The following PLXNC1 variants were observed in gnomAD, a reference collection of about 807,000 sequenced individuals.
PLXNC1 encodes the protein plexin C1.
In PLXNC1, 75 loss-of-function variants were observed where a neutral mutation model predicts 178.2. The observed-to-expected ratio is 0.42, with a 90% CI of 0.35 to 0.51. PLXNC1 has a LOEUF of 0.51. PLXNC1 is among the 20% of genes least tolerant of loss of function. The pLI, the probability that PLXNC1 is intolerant of heterozygous loss-of-function variation, is 0.02. For synonymous variants in PLXNC1, 790 were observed against 779.9 expected (o/e 1.01, Z -0.22); for missense variants, 1,503 against 1,984.4 (o/e 0.76, Z 4.61).
intron 21 of PLXNC1, among the ~76,000 whole-genome samples, chr12:94,278,416 T>G (rs906903658): frequency 1.3e-5 from 2 of 152,278 alleles, no homozygotes; most frequent in Non-Finnish European, 2.9e-5. Context: ...AAACTTGGAA[T>G]TGCTTTTCAG....
intron 26 of PLXNC1, 147 bp from the exon 27 acceptor site, chr12:94,298,485 T>G: frequency 1.5e-6 from 1 of 685,282 alleles, no homozygotes; most frequent in Non-Finnish European, 2.4e-6. Context: ...CTGGCCACAT[T>G]TGACAATTTT....
chr12:94,205,116 A>G (rs1399678918), intron 4 of PLXNC1, among the ~76,000 whole-genome samples: 1 of 152,158 alleles, frequency 6.6e-6, no homozygotes, highest in African/African-American at 2.4e-5. Flanking sequence ...TTCTAGCCTA[A>G]CAGAGTTGGC....
intron 6 of PLXNC1, among the ~76,000 whole-genome samples, chr12:94,222,606 C>A (rs546157229): frequency 6.6e-6 from 1 of 152,294 alleles, no homozygotes; most frequent in South Asian, 2.1e-4. Flanking sequence ...GCTGTCATCA[C>A]CTAAATTATT....
At chr12:94,190,037 G>A (rs755334465) in intron 4 of PLXNC1, among the ~76,000 whole-genome samples, 1 of 152,246 alleles carries the variant, frequency 6.6e-6, no homozygotes, top group Non-Finnish European at 1.5e-5. Context: ...GTTGGAAAGA[G>A]AGAAGAAGGA....
chr12:94,289,666 C>A (rs1967077844), intron 23 of PLXNC1, among the ~76,000 whole-genome samples: 1 of 152,190 alleles, frequency 6.6e-6, no homozygotes, highest in Non-Finnish European at 1.5e-5. Context: ...TTCAAAAAGG[C>A]ATTTCTGTCC....
intron 1 of PLXNC1, chr12:94,168,282 T>A (rs916852407): frequency 6.6e-6 from 1 of 152,182 alleles, no homozygotes; most frequent in East Asian, 1.9e-4. Context: ...CTCCATATCT[T>A]CCAGAGATTT....
At chr12:94,211,160 C>G (rs888260969) in intron 5 of PLXNC1, among the ~76,000 whole-genome samples, 11 of 152,318 alleles carry the variant, frequency 7.2e-5, no homozygotes, top group Admixed American at 7.2e-4. Flanking sequence ...TGGTCTGGTA[C>G]ATTTCAAAAC....
chr12:94,259,784 C>A, intron 19 of PLXNC1, 50 bp downstream of exon 19: 1 of 1,526,440 alleles, frequency 6.6e-7, no homozygotes, highest in Non-Finnish European at 8.8e-7. Flanking sequence ...AAAAATCAGG[C>A]CGGGCATGGT....
chr12:94,293,309 C>T (rs992252920), intron 23 of PLXNC1, among the ~76,000 whole-genome samples: 4 of 152,198 alleles, frequency 2.6e-5, no homozygotes, highest in Non-Finnish European at 4.4e-5. Flanking sequence ...TTTCTGTGGA[C>T]TAAGGACCTA....
chr12:94,152,336 A>G (rs1402396398), intron 1 of PLXNC1, among the ~76,000 whole-genome samples: 1 of 152,176 alleles, frequency 6.6e-6, no homozygotes, highest in Non-Finnish European at 1.5e-5. Flanking sequence ...TAGGTAGAGA[A>G]GATACTCAAT....
intron 12 of PLXNC1, among the ~76,000 whole-genome samples, chr12:94,246,716 G>A (rs1433149703): frequency 6.6e-6 from 1 of 152,196 alleles, no homozygotes; most frequent in Non-Finnish European, 1.5e-5. Flanking sequence ...TGCTGAGGCA[G>A]TAGAGACAGT....
In PLXNC1 at chr12:94,149,005, C is replaced by G. The variant is rs1203145017; in HGVS notation, c.34C>G (p.Pro12Ala). The change falls in exon 1 of 31, where the codon CCC becomes GCC. Residue 12 changes from proline to alanine, a missense_variant. Pro to Ala is a conservative substitution (Grantham distance 27, BLOSUM62 -1). Around this residue, in one of 4 missense-constraint regions of PLXNC1, gnomAD observed 176 missense variants for 180.7 expected, o/e 0.97. Coordinates refer to ENST00000258526, the MANE Select transcript of PLXNC1 (RefSeq NM_005761.3). ...CTCCCGGAGGAAGGCGCCGCCGCGCCCCCCGCGCCCCGCAGCGCCACTGCC... is the reference window on the plus strand; with the variant it reads ...CTCCCGGAGGAAGGCGCCGCCGCGCGCCCCGCGCCCCGCAGCGCCACTGCC... ...EVSRRKAPPR[P>A]PRPAAPLPLL... 5.5e-6 allele frequency: 8 copies of G among 1,463,156 alleles called. No individual in the cohort carries two copies. The highest frequency in any genetic ancestry group is 4.0e-5 in the South Asian group (3 of 74,828). 90.6% of individuals were successfully genotyped at this position (1,463,156 alleles called of 1,614,324 possible).
chr12:94,223,999 T>C (rs1254925845), intron 6 of PLXNC1, among the ~76,000 whole-genome samples: 11 of 152,176 alleles, frequency 7.2e-5, no homozygotes, highest in Admixed American at 7.2e-4. Context: ...GGCTTGGAAC[T>C]CGAGGTGGGT....
At chr12:94,217,821 A>ATAGAC (rs1379765298) in intron 5 of PLXNC1, among the ~76,000 whole-genome samples, 1 of 152,196 alleles carries the variant, frequency 6.6e-6, no homozygotes, top group Non-Finnish European at 1.5e-5. Flanking sequence ...CTACTAGTCT[A>ATAGAC]TAAGCTCTTT....
intron 17 of PLXNC1, among the ~76,000 whole-genome samples, chr12:94,257,189 T>C (rs999297693): frequency 3.3e-5 from 5 of 152,276 alleles, no homozygotes; most frequent in Admixed American, 3.3e-4. Flanking sequence ...CTTTATGGAT[T>C]GATCAGAAGC....
intron 15 of PLXNC1, among the ~76,000 whole-genome samples, chr12:94,252,354 C>T (rs1230495267): frequency 6.6e-6 from 1 of 152,082 alleles, no homozygotes; most frequent in Non-Finnish European, 1.5e-5. Context: ...CGGCATAAGT[C>T]CAGGAGTTTG....
At chr12:94,180,609 G>A (rs1019209093) in intron 2 of PLXNC1, among the ~76,000 whole-genome samples, 2 of 152,182 alleles carry the variant, frequency 1.3e-5, no homozygotes, top group African/African-American at 4.8e-5. Flanking sequence ...GATGGATGAA[G>A]CTCAGGTGTG....
chr12:94,304,134 C>A, intron 30 of PLXNC1, 83 bp downstream of exon 30: 1 of 878,572 alleles, frequency 1.1e-6, no homozygotes, highest in South Asian at 1.7e-5. Context: ...TTCAGAACAG[C>A]TCTGGCATCC....
intron 2 of PLXNC1, among the ~76,000 whole-genome samples, chr12:94,172,136 C>T (rs542678174): frequency 6.6e-6 from 1 of 152,230 alleles, no homozygotes; most frequent in Non-Finnish European, 1.5e-5. Flanking sequence ...CTGATAGACA[C>T]AAGCTTGGCT....
Sources: gnomAD v4.1 joint callset for allele counts (sites outside exome capture counted in the v4.1 genomes callset) on GRCh38, gnomAD v4.1.1 for gene constraint, gnomAD v4.1.1 regional missense constraint, MANE v1.5 for transcripts, NCBI Gene and HGNC (gene_info 2026-07-23, HGNC 2026-07-21) for gene names.